SPOP: variants seen among roughly 807,000 people sequenced by gnomAD.
The protein encoded by SPOP is speckle type BTB/POZ protein.
SPOP carries 11 observed loss-of-function variants against 45.6 expected under a neutral mutation model. The observed-to-expected ratio is 0.24, with a 90% confidence interval of 0.15 to 0.40. The LOEUF (loss-of-function observed/expected upper bound fraction) is 0.40. Ranked by LOEUF, SPOP falls within the 10% of genes least tolerant of loss-of-function variation. SPOP has a pLI of 1.00. For missense variants in SPOP, 152 were observed against 465.6 expected (o/e 0.33, Z 6.20); for synonymous variants, 166 against 166.3 (o/e 1.00, Z 0.01).
At chr17:49,659,640 GTTAT>G (rs1222640336) in intron 1 of SPOP, among the ~76,000 whole-genome samples, 2 of 152,234 alleles carry the variant, frequency 1.3e-5, no homozygotes, top group African/African-American at 4.8e-5. Context: ...CCTACATGAT[GTTAT>G]TTAGATACTT....
chr17:49,608,727 T>C (rs2071903157), intron 6 of SPOP, among the ~76,000 whole-genome samples: 1 of 152,130 alleles, frequency 6.6e-6, no homozygotes, highest in Non-Finnish European at 1.5e-5. Flanking sequence ...GGCTAAGAAC[T>C]CAAATTTGTT....
intron 8 of SPOP, among the ~76,000 whole-genome samples, chr17:49,602,860 T>A (rs1049003669): frequency 3.9e-5 from 6 of 152,294 alleles, no homozygotes; most frequent in African/African-American, 1.4e-4. Context: ...GCACATCTGA[T>A]CTACTTGATT....
chr17:49,637,950 T>G (rs952937073), intron 1 of SPOP, among the ~76,000 whole-genome samples: 6 of 152,192 alleles, frequency 3.9e-5, no homozygotes, highest in Non-Finnish European at 4.4e-5. Flanking sequence ...CTGATCATAG[T>G]GCACTATCTC....
At position 49,617,974 on chromosome 17, in the gene SPOP, A is replaced by ATAAG. The variant is rs538454319; in HGVS notation, c.480+1006_480+1007insCTTA. Among the ~76,000 whole-genome samples the ATAAG allele has an allele frequency of 7.5e-4, 114 of 151,742 alleles. 1 individual carries two copies. The highest frequency in any genetic ancestry group is 2.6e-3 in the African/African-American group (106 of 41,414). ...AAAGCAATACATAAGCCTGCTACCG[A>ATAAG]CCGCTAGGCCTTTTCTGCAAAAGGG... is the stretch of plus-strand genomic sequence containing the variant. On this transcript the variant is annotated intron_variant, in intron 5 of 9. Coordinates refer to ENST00000504102, the MANE Select transcript of SPOP (RefSeq NM_001007228.2).
At chr17:49,645,875 GT>G (rs929501549) in intron 1 of SPOP, among the ~76,000 whole-genome samples, 5 of 137,082 alleles carry the variant, frequency 3.6e-5, no homozygotes, top group Non-Finnish European at 6.3e-5. Flanking sequence ...ACCTGTTGTT[GT>G]TTTTTTTTCC....
intron 3 of SPOP, among the ~76,000 whole-genome samples, chr17:49,620,214 G>A (rs913127180): frequency 2.0e-5 from 3 of 151,676 alleles, no homozygotes; most frequent in Non-Finnish European, 2.9e-5. Context: ...GACCAGGCAC[G>A]GTGGCTTATG....
chr17:49,617,348 G>A (rs1170829253), intron 5 of SPOP, among the ~76,000 whole-genome samples: 1 of 152,188 alleles, frequency 6.6e-6, no homozygotes. Context: ...CTAACCTCAT[G>A]TAAAACCAAC....
intron 1 of SPOP, among the ~76,000 whole-genome samples, chr17:49,677,550 C>G (rs866290460): frequency 3.3e-4 from 51 of 152,256 alleles, no homozygotes; most frequent in Non-Finnish European, 1.3e-4. Context: ...CAGGTCCCTG[C>G]AACACCGCGA....
intron 1 of SPOP, among the ~76,000 whole-genome samples, chr17:49,642,666 G>A (rs917143255): frequency 6.6e-6 from 1 of 152,154 alleles, no homozygotes; most frequent in East Asian, 1.9e-4. Context: ...AAGGGAAAAC[G>A]AACCCTACAG....
intron 1 of SPOP, among the ~76,000 whole-genome samples, chr17:49,635,814 A>G (rs1342193620): frequency 6.6e-6 from 1 of 150,642 alleles, no homozygotes; most frequent in Non-Finnish European, 1.5e-5. Context: ...TTGTATTTTT[A>G]GTAGAGATGG....
chr17:49,616,187 C>T (rs1452851870), intron 5 of SPOP, among the ~76,000 whole-genome samples: 1 of 152,174 alleles, frequency 6.6e-6, no homozygotes, highest in African/African-American at 2.4e-5. Context: ...AATCTAATTT[C>T]ATTTAAACAT....
At chr17:49,667,385 T>G (rs1196229852) in intron 1 of SPOP, among the ~76,000 whole-genome samples, 1 of 148,750 alleles carries the variant, frequency 6.7e-6, no homozygotes, top group Admixed American at 6.7e-5. Flanking sequence ...AAGTAAGGAG[T>G]TCGAGACCAG....
chr17:49,673,717 G>A (rs1043239303), intron 1 of SPOP, among the ~76,000 whole-genome samples: 1 of 152,150 alleles, frequency 6.6e-6, no homozygotes, highest in East Asian at 1.9e-4. Flanking sequence ...CCTCCCAAAT[G>A]AACTCTCCTC....
intron 8 of SPOP, among the ~76,000 whole-genome samples, chr17:49,604,214 G>A (rs2143128044): frequency 6.6e-6 from 1 of 152,286 alleles, no homozygotes; most frequent in East Asian, 1.9e-4. Flanking sequence ...CTTTCCCAGA[G>A]CTTGCAGTGA....
At chr17:49,666,924 A>G (rs1355418200) in intron 1 of SPOP, among the ~76,000 whole-genome samples, 2 of 152,236 alleles carry the variant, frequency 1.3e-5, no homozygotes, top group Non-Finnish European at 2.9e-5. Flanking sequence ...CACGCCTGCA[A>G]TCCCAGTACT....
At chr17:49,609,783 T>C (rs2071929477) in intron 6 of SPOP, among the ~76,000 whole-genome samples, 1 of 151,158 alleles carries the variant, frequency 6.6e-6, no homozygotes, top group Non-Finnish European at 1.5e-5. Flanking sequence ...AGAGAATAAC[T>C]AGAGGGAGAA....
At chr17:49,658,335 T>C (rs552633379) in intron 1 of SPOP, among the ~76,000 whole-genome samples, 2 of 152,320 alleles carry the variant, frequency 1.3e-5, no homozygotes, top group African/African-American at 4.8e-5. Flanking sequence ...TTCTATTTTT[T>C]TCCACAAATT....
chr17:49,615,387 G>A (rs922157046), intron 5 of SPOP, among the ~76,000 whole-genome samples: 1 of 152,094 alleles, frequency 6.6e-6, no homozygotes, highest in Non-Finnish European at 1.5e-5. Flanking sequence ...TAAATAATTG[G>A]AGAAAAGGGT....
chr17:49,631,872 A>G (rs981507303), intron 1 of SPOP, among the ~76,000 whole-genome samples: 1 of 152,186 alleles, frequency 6.6e-6, no homozygotes, highest in Non-Finnish European at 1.5e-5. Flanking sequence ...TGACCACCCA[A>G]TCTGAAGCCA....
Sources: allele counts gnomAD v4.1 joint callset (sites outside exome capture counted in the v4.1 genomes callset), GRCh38; gene constraint gnomAD v4.1.1; transcripts MANE v1.5; gene names NCBI Gene and HGNC (gene_info 2026-07-23, HGNC 2026-07-21).